Variants in WWOX observed in about 807,000 individuals in gnomAD.
WWOX encodes WW domain-containing oxidoreductase.
WWOX carries 69 observed loss-of-function variants against 46.2 expected under a neutral mutation model. That is an observed-to-expected ratio of 1.49 (90% CI 1.23 to 1.82). The LOEUF (loss-of-function observed/expected upper bound fraction) is 1.82. Ranked by LOEUF, WWOX falls within the 40% of genes most tolerant of loss-of-function variation. The pLI is 0.00. For synonymous variants in WWOX, 359 were observed against 202.6 expected (o/e 1.77, Z -6.56); for missense variants, 919 against 542.6 (o/e 1.69, Z -6.89).
intron 8 of WWOX, among the ~76,000 whole-genome samples, chr16:78,549,494 C>G (rs968068152): frequency 1.3e-4 from 20 of 152,088 alleles, no homozygotes; most frequent in African/African-American, 4.6e-4. Context: ...AAAGTTGGAT[C>G]GACCATTAAT....
chr16:78,114,143 G>C (rs1472035579), intron 3 of WWOX, among the ~76,000 whole-genome samples: 2 of 147,956 alleles, frequency 1.4e-5, no homozygotes, highest in Non-Finnish European at 3.0e-5. Flanking sequence ...TGTCACCCAG[G>C]CTAGAGTGCA....
At chr16:78,754,306 G>A (rs548471772) in intron 8 of WWOX, among the ~76,000 whole-genome samples, 14 of 152,176 alleles carry the variant, frequency 9.2e-5, no homozygotes, top group African/African-American at 2.4e-4. Flanking sequence ...CAGGAAGAAG[G>A]CATTCAGGCT....
At chr16:78,908,013 G>C (rs867057101) in intron 8 of WWOX, among the ~76,000 whole-genome samples, 2 of 152,198 alleles carry the variant, frequency 1.3e-5, no homozygotes, top group African/African-American at 4.8e-5. Flanking sequence ...TATCTCATTT[G>C]TCCAGGTATT....
chr16:78,685,333 C>T (rs969609641), intron 8 of WWOX, among the ~76,000 whole-genome samples: 1 of 152,100 alleles, frequency 6.6e-6, no homozygotes, highest in Non-Finnish European at 1.5e-5. Context: ...TAATAACTTT[C>T]ATTCTGTGAT....
intron 8 of WWOX, among the ~76,000 whole-genome samples, chr16:78,556,367 G>A (rs2044297177): frequency 6.6e-6 from 1 of 152,112 alleles, no homozygotes; most frequent in South Asian, 2.1e-4. Flanking sequence ...GAAGGCAAAG[G>A]GAATTTTATC....
intron 8 of WWOX, among the ~76,000 whole-genome samples, chr16:78,801,974 C>T (rs942860855): frequency 6.6e-6 from 1 of 152,018 alleles, no homozygotes; most frequent in African/African-American, 2.4e-5. Flanking sequence ...ATCTGCCTTG[C>T]AGAGAATTAA....
At chr16:78,841,403 G>T (rs562180026) in intron 8 of WWOX, among the ~76,000 whole-genome samples, 5 of 152,298 alleles carry the variant, frequency 3.3e-5, no homozygotes, top group African/African-American at 1.2e-4. Flanking sequence ...GATTTTGCCT[G>T]TTTCTTCCAA....
At chr16:78,921,015 A>G (rs1042960208) in intron 8 of WWOX, among the ~76,000 whole-genome samples, 2 of 152,300 alleles carry the variant, frequency 1.3e-5, no homozygotes, top group South Asian at 2.1e-4. Context: ...TGTTTGCTTG[A>G]TATTAAGCTT....
At chr16:78,142,776 A>G (rs1304098666) in intron 4 of WWOX, among the ~76,000 whole-genome samples, 1 of 151,764 alleles carries the variant, frequency 6.6e-6, no homozygotes, top group African/African-American at 2.4e-5. Context: ...TCAAATTTCC[A>G]CTTATTTAAA....
chr16:78,196,688 C>G (rs968106785), intron 5 of WWOX, among the ~76,000 whole-genome samples: 1 of 152,152 alleles, frequency 6.6e-6, no homozygotes, highest in Non-Finnish European at 1.5e-5. Flanking sequence ...CTTGCAATGT[C>G]AAATAATAGC....
intron 5 of WWOX, among the ~76,000 whole-genome samples, chr16:78,254,678 C>T (rs1332650797): frequency 6.6e-6 from 1 of 151,690 alleles, no homozygotes; most frequent in Non-Finnish European, 1.5e-5. Flanking sequence ...CATGCCACTG[C>T]CACCATGCCT....
At chr16:78,896,691 C>T (rs1209413856) in intron 8 of WWOX, 1 of 151,998 alleles carries the variant, frequency 6.6e-6, no homozygotes, top group Non-Finnish European at 1.5e-5. Flanking sequence ...GATTGTAGCA[C>T]TCAAAAGTAA....
At chr16:78,722,673 T>C (rs1336693604) in intron 8 of WWOX, among the ~76,000 whole-genome samples, 1 of 151,388 alleles carries the variant, frequency 6.6e-6, no homozygotes, top group Non-Finnish European at 1.5e-5. Context: ...TGGAGCATGA[T>C]TTAAAGGAAC....
chr16:78,869,442 C>G (rs556316011), intron 8 of WWOX, among the ~76,000 whole-genome samples: 2 of 152,224 alleles, frequency 1.3e-5, no homozygotes, highest in African/African-American at 4.8e-5. Flanking sequence ...GTCACCAACA[C>G]AAGTTTATAC....
chr16:78,984,758 C>CT (rs1263610169), intron 8 of WWOX, among the ~76,000 whole-genome samples: 1 of 152,220 alleles, frequency 6.6e-6, no homozygotes, highest in East Asian at 1.9e-4. Context: ...TCTTCGTCCT[C>CT]TTTTCGTGAT....
intron 8 of WWOX, among the ~76,000 whole-genome samples, chr16:78,781,191 G>C (rs1013839558): frequency 1.2e-4 from 19 of 152,302 alleles, no homozygotes; most frequent in African/African-American, 4.3e-4. Context: ...GGTGTGTTGT[G>C]ACCCCTGGCT....
At chr16:78,626,333 G>C (rs1186457340) in intron 8 of WWOX, among the ~76,000 whole-genome samples, 1 of 152,020 alleles carries the variant, frequency 6.6e-6, no homozygotes, top group Non-Finnish European at 1.5e-5. Flanking sequence ...TAATTGTCAG[G>C]TCTCCTTAGC....
intron 8 of WWOX, among the ~76,000 whole-genome samples, chr16:79,022,034 A>T (rs148954363): frequency 3.3e-5 from 5 of 152,334 alleles, no homozygotes; most frequent in Non-Finnish European, 5.9e-5. Context: ...TTGACACATG[A>T]ATAGGAGAGG....
intron 8 of WWOX, among the ~76,000 whole-genome samples, chr16:79,140,746 G>A (rs920602938): frequency 3.3e-5 from 5 of 152,186 alleles, no homozygotes; most frequent in African/African-American, 1.2e-4. Flanking sequence ...TTAAACATAA[G>A]CTTTCAAGGT....
Sources: gnomAD v4.1 joint callset for allele counts (sites outside exome capture counted in the v4.1 genomes callset) on GRCh38, gnomAD v4.1.1 for gene constraint, MANE v1.5 for transcripts, NCBI Gene and HGNC (gene_info 2026-07-23, HGNC 2026-07-21) for gene names.